Variants in COL6A3 observed in about 807,000 individuals in gnomAD.
COL6A3 encodes the protein collagen alpha-3(VI) chain.
COL6A3 carries 137 observed loss-of-function variants against 274.1 expected under a neutral mutation model. That is an observed-to-expected ratio of 0.50 (90% confidence interval 0.44 to 0.58). COL6A3 has a LOEUF of 0.58. Ranked by LOEUF, COL6A3 falls within the 20% of genes least tolerant of loss-of-function variation. The pLI is 0.00. For synonymous variants in COL6A3, 1,650 were observed against 1,650.6 expected, an observed-to-expected ratio of 1.00 and a Z score of 0.01; for missense variants, 3,950 against 4,124.9, an observed-to-expected ratio of 0.96 and a Z score of 1.16.
In COL6A3 at chr2:237,361,925, G is replaced by A; in HGVS notation, c.6064-94C>T. ...TTTAAGGGTCAAAATCGGATGTGTG[G>A]GGGTTTCACGGTGTGAGATGAAGTC... is the stretch of plus-strand genomic sequence containing the variant. On this transcript the variant is annotated intron_variant, in intron 14 of 43. Transcript: ENST00000295550. This position sits in a 1 kb window ranked among gnomAD's most constrained non-coding sequence, Gnocchi z 5.1. The A allele has an allele frequency of 9.3e-7, 1 of 1,070,238 alleles. No homozygotes were observed. Among genetic ancestry groups the A allele is most frequent in the East Asian group, 2.4e-5 (1 of 41,556 alleles). 66.3% of individuals were successfully genotyped at this position (1,070,238 alleles called of 1,614,324 possible).
At chr2:237,337,467 T>C (rs1251658923) in intron 39 of COL6A3, among the ~76,000 whole-genome samples, 1 of 152,068 alleles carries the variant, frequency 6.6e-6, no homozygotes, top group Non-Finnish European at 1.5e-5. Flanking sequence ...CCTTCTGAGG[T>C]CAAAAGAAAG....
In COL6A3 at chr2:237,361,983, T is replaced by TATGATAGAAATTGCC. The variant is rs1392737998; in HGVS notation, c.6064-167_6064-153dup. 3.8e-6 allele frequency: 3 copies of TATGATAGAAATTGCC among 779,616 alleles called. No individual in the cohort carries two copies. The highest frequency in any genetic ancestry group is 1.7e-5 in the African/African-American group (1 of 58,434). 48.3% of individuals were successfully genotyped at this position (779,616 alleles called of 1,614,324 possible). A position where few individuals can be genotyped will look rare whatever the true frequency, so the allele number is the denominator to read the frequency against. ...GTGACATTTGCTGGACGACTGACGATATGATAGAAATTGCCAGCGAAGTCA... is the reference window on the plus strand; with the variant it reads ...GTGACATTTGCTGGACGACTGACGATATGATAGAAATTGCCATGATAGAAATTGCCAGCGAAGTCA... On this transcript the variant is annotated intron_variant, in intron 14 of 43. Coordinates refer to ENST00000295550, the MANE Select transcript of COL6A3 (RefSeq NM_004369.4). The surrounding 1 kb of genome is among the most constrained non-coding windows in gnomAD (Gnocchi z 5.1).
intron 36 of COL6A3, chr2:237,343,647 G>A (rs1048476622): frequency 6.6e-6 from 1 of 151,328 alleles, no homozygotes; most frequent in African/African-American, 2.4e-5. Flanking sequence ...GACCCTTGGG[G>A]CCTCACTGAA....
rs1162599447 is a variant in COL6A3, at chr2:237,378,776, A to G, written c.2357T>C (p.Leu786Pro). 5.0e-6 allele frequency: 8 copies of G among 1,614,124 alleles called. No homozygotes were observed. The highest frequency in any genetic ancestry group is 6.8e-6 in the Non-Finnish European group (8 of 1,180,050). Residue 786 changes from leucine to proline, a missense_variant, in exon 6 of 44, where the codon CTT (leucine) becomes CCT (proline). Around this residue, in one of 5 missense-constraint regions of COL6A3, gnomAD observed 1,934 missense variants for 1,984.3 expected, o/e 0.97. Transcript: ENST00000295550. ...VGASQANKAE[L>P]EQIAFNPSLV... The stretch of plus-strand genomic sequence containing the variant: ...GCTTGGGTTAAAAGCAATCTGCTCA[A>G]GCTCTGCCTTATTCGCCTGGCTAGC...
At position 237,364,342 on chromosome 2, in the gene COL6A3, G is replaced by C; in HGVS notation, c.5917+8C>G. The C allele has an allele frequency of 6.2e-7, 1 of 1,610,428 alleles. No individual in the cohort carries two copies. Among genetic ancestry groups the C allele is most frequent in the Admixed American group, 1.7e-5 (1 of 60,020 alleles). The stretch of plus-strand genomic sequence containing the variant: ...TACTTCTCATATTTAGAAAGCCTTG[G>C]CACCTACCTTCTTGGCGGAGGTTCT... On this transcript the variant is annotated splice_region_variant and intron_variant, in intron 13 of 43. Transcript: ENST00000295550. The surrounding 1 kb of genome is among the most constrained non-coding windows in gnomAD (Gnocchi z 4.6).
Position 237,368,458 on chromosome 2 carries a change from A to C in COL6A3, c.4900+105T>G. On this transcript the variant is annotated intron_variant, in intron 10 of 43. Transcript: ENST00000295550. This position sits in a 1 kb window ranked among gnomAD's most constrained non-coding sequence, Gnocchi z 4.4. ...AATTTCTAATATTATCTGAAGAAAC[A>C]ACCCAGAGAGAAGAAAATTATTAAA... 1 of 1,381,150 alleles carries C rather than the reference A, an allele frequency of 7.2e-7. No individual in the cohort carries two copies. Among genetic ancestry groups the C allele is most frequent in the Non-Finnish European group, 9.8e-7 (1 of 1,017,628 alleles). The allele number at this position is 1,381,150 out of a possible 1,614,324, so 85.6% of individuals were successfully genotyped here. A position where few individuals can be genotyped will look rare whatever the true frequency, so the allele number is the denominator to read the frequency against.
In COL6A3 at chr2:237,324,676, C is replaced by G; in HGVS notation, c.*98G>C. ...GTGTAAATCAAAGCATGAAATGATA[C>G]AGTGCAAGGGAATCTACACCCGGAG... On this transcript the variant is annotated 3_prime_UTR_variant, in exon 44 of 44. Transcript: ENST00000295550. The G allele has an allele frequency of 9.4e-7, 1 of 1,064,738 alleles. No individual in the cohort carries two copies. The highest frequency in any genetic ancestry group is 1.4e-6 in the Non-Finnish European group (1 of 690,062). The allele number at this position is 1,064,738 out of a possible 1,614,324, so 66.0% of individuals were successfully genotyped here. A position where few individuals can be genotyped will look rare whatever the true frequency, so the allele number is the denominator to read the frequency against.
At chr2:237,397,589 G>C (rs2078483733) in intron 1 of COL6A3, among the ~76,000 whole-genome samples, 1 of 152,048 alleles carries the variant, frequency 6.6e-6, no homozygotes, top group South Asian at 2.1e-4. Flanking sequence ...CTGTCTAAAG[G>C]GACCTCAGAC....
chr2:237,340,404 C>T (rs377467505), intron 38 of COL6A3, 48 bp downstream of exon 38: 13 of 1,547,212 alleles, frequency 8.4e-6, no homozygotes, highest in African/African-American at 2.7e-5. Context: ...TCTCCTGGCC[C>T]GAGCATAAAG....
rs1282952198 is a variant in COL6A3, at chr2:237,348,381, C to T, written c.6934G>A (p.Glu2312Lys). The T allele has an allele frequency of 5.0e-6, 8 of 1,601,322 alleles. No individual in the cohort carries two copies. The highest frequency in any genetic ancestry group is 1.3e-5 in the African/African-American group (1 of 74,622). The change falls in exon 30 of 44, where the codon GAA (glutamate) becomes AAA (lysine). Residue 2312 changes from glutamate (E) to lysine (K), a missense_variant. Glu to Lys is a moderately conservative substitution (Grantham distance 56, BLOSUM62 1). This residue lies in a region of COL6A3 where 1,284 missense variants were observed against 1,349.7 expected (regional missense o/e 0.95). Transcript: ENST00000295550. ...GSEGRRGKKGERGFPGYPGPK... is the reference protein window; with the variant it reads ...GSEGRRGKKGKRGFPGYPGPK... ...CCTGGGTATCCAGGGAATCCTCTTT[C>T]TCCCTATAAAGGAAAAATAGATTAT...
At chr2:237,352,385 C>A in intron 26 of COL6A3, 137 bp downstream of exon 26, 1 of 860,174 alleles carries the variant, frequency 1.2e-6, no homozygotes, top group Non-Finnish European at 1.9e-6. Context: ...GAGGTTAAAT[C>A]TGGGGTTTTT....
rs942162984 is a variant in COL6A3, at chr2:237,334,997, T to A, written c.8966-108A>T. ...GGATGTGTTAACAGACAAATTGACT[T>A]GAAATTTAGCTGAGGCGGGGAACTA... On this transcript the variant is annotated intron_variant, in intron 40 of 43. Coordinates refer to ENST00000295550, the MANE Select transcript of COL6A3 (RefSeq NM_004369.4). 12 of 1,373,802 alleles carry A rather than the reference T, an allele frequency of 8.7e-6. No individual in the cohort carries two copies. In the African/African-American group the frequency reaches 1.6e-4, roughly 18 times the overall value. The allele number at this position is 1,373,802 out of a possible 1,614,324, so 85.1% of individuals were successfully genotyped here. A position where few individuals can be genotyped will look rare whatever the true frequency, so the allele number is the denominator to read the frequency against.
At chr2:237,357,929 G>A in intron 21 of COL6A3, 47 bp from the exon 22 acceptor site, 1 of 1,549,998 alleles carries the variant, frequency 6.5e-7, no homozygotes, top group Non-Finnish European at 8.9e-7. Flanking sequence ...TGGAAGGAAA[G>A]CAGCTGCCAC....
rs780258519 is a variant in COL6A3 at position 237,359,084 on chromosome 2, T to G, written c.6359A>C (p.Asp2120Ala). 6.2e-7 allele frequency: 1 copy of G among 1,614,134 alleles called. No individual in the cohort carries two copies. The highest frequency in any genetic ancestry group is 8.5e-7 in the Non-Finnish European group (1 of 1,179,968). The change falls in exon 20 of 44, where the codon GAC (aspartate) becomes GCC (alanine). Residue 2120 changes from aspartate (D) to alanine (A), a missense_variant. Asp to Ala is a moderately radical substitution (Grantham distance 126, BLOSUM62 -2). Coordinates refer to ENST00000295550, the MANE Select transcript of COL6A3 (RefSeq NM_004369.4). ...GLDGLDGEDG[D>A]KGLPGSSGEK... ...TCCAGAAGAACCAGGCAATCCTTTG[T>G]CTCCCTGCCAAAGACAAGGATTAAA...
At position 237,414,000 on chromosome 2, in the gene COL6A3, T is replaced by C. The variant is rs1168862459; in HGVS notation, c.-78A>G. On this transcript the variant is annotated 5_prime_UTR_variant, in exon 1 of 44. It removes the in-frame stop codon of an upstream open reading frame in the 5' UTR. Coordinates refer to ENST00000295550, the MANE Select transcript of COL6A3 (RefSeq NM_004369.4). This position sits in a 1 kb window ranked among gnomAD's most constrained non-coding sequence, Gnocchi z 4.0. ...GTGTCCCTGGGCTCCTCGATTCAAT[T>C]AGGTTTGAATAGGATGCATACTTTT... The C allele has an allele frequency of 6.6e-6, 1 of 152,164 alleles. No individual in the cohort carries two copies. Among genetic ancestry groups the C allele is most frequent in the Non-Finnish European group, 1.5e-5 (1 of 68,028 alleles). 9.4% of individuals were successfully genotyped at this position (152,164 alleles called of 1,614,324 possible).
At chr2:237,375,591 A>G (rs1173767822) in intron 7 of COL6A3, among the ~76,000 whole-genome samples, 2 of 152,166 alleles carry the variant, frequency 1.3e-5, no homozygotes, top group Non-Finnish European at 2.9e-5. Flanking sequence ...CGCCCAGGCT[A>G]GAGTGCAGTG....
chr2:237,357,698 G>C lies in COL6A3; in HGVS notation c.6537+119C>G, dbSNP rs112285284. 98 of 1,020,710 alleles carry C rather than the reference G, an allele frequency of 9.6e-5. No individual in the cohort carries two copies. The African/African-American group carries it at 1.1e-3, about 12-fold the overall frequency. 63.2% of individuals were successfully genotyped at this position (1,020,710 alleles called of 1,614,324 possible). A position where few individuals can be genotyped will look rare whatever the true frequency, so the allele number is the denominator to read the frequency against. ...CACGGGGACTCTGCTGCTAATCTTA[G>C]GCTACGTTGCAGTGTTAAAGGCCAC... On this transcript the variant is annotated intron_variant, in intron 22 of 43. Coordinates refer to ENST00000295550, the MANE Select transcript of COL6A3 (RefSeq NM_004369.4).
At chr2:237,399,513 C>A (rs1237658356) in intron 1 of COL6A3, among the ~76,000 whole-genome samples, 1 of 152,230 alleles carries the variant, frequency 6.6e-6, no homozygotes, top group Admixed American at 6.5e-5. Context: ...ATGGAACACC[C>A]ATTCCATTCG....
intron 3 of COL6A3, among the ~76,000 whole-genome samples, chr2:237,389,132 A>G (rs1294142608): frequency 6.6e-6 from 1 of 152,118 alleles, no homozygotes; most frequent in Admixed American, 6.5e-5. Context: ...GCTGACCAAG[A>G]CCTCTTCTCT....
Sources: allele counts gnomAD v4.1 joint callset (sites outside exome capture counted in the v4.1 genomes callset), GRCh38; gene constraint gnomAD v4.1.1; regional missense constraint gnomAD v4.1.1; non-coding constraint Gnocchi (gnomAD v3.1); transcripts MANE v1.5; gene names NCBI Gene and HGNC (gene_info 2026-07-23, HGNC 2026-07-21).